PDE4D: variants seen among roughly 807,000 people sequenced by gnomAD.
PDE4D encodes 3',5'-cyclic-AMP phosphodiesterase 4D.
A neutral mutation model predicts 87.4 loss-of-function variants in PDE4D; 24 were observed. The ratio of observed to expected loss-of-function variants is 0.27; its 90% confidence interval spans 0.20 to 0.39. The LOEUF (loss-of-function observed/expected upper bound fraction) is 0.39. PDE4D is among the 10% of genes least tolerant of loss of function. The pLI is 1.00. For synonymous variants in PDE4D, 384 were observed against 383.2 expected (o/e 1.00, Z -0.02); for missense variants, 714 against 1,041.0 (o/e 0.69, Z 4.32).
chr5:59,148,220 C>T (rs1459689505), intron 5 of PDE4D, among the ~76,000 whole-genome samples: 1 of 152,094 alleles, frequency 6.6e-6, no homozygotes, highest in Non-Finnish European at 1.5e-5. Context: ...AGTCCTGGTT[C>T]TATACTGTAT....
At chr5:59,772,025 T>C (rs904472234) in intron 1 of PDE4D, among the ~76,000 whole-genome samples, 1 of 152,250 alleles carries the variant, frequency 6.6e-6, no homozygotes, top group Non-Finnish European at 1.5e-5. Flanking sequence ...ATGATATGCA[T>C]ACTGCTTTTT....
intron 1 of PDE4D, among the ~76,000 whole-genome samples, chr5:59,543,182 C>T (rs1816661548): frequency 6.6e-6 from 1 of 152,140 alleles, no homozygotes; most frequent in Non-Finnish European, 1.5e-5. Context: ...TTATTCTGTA[C>T]TCAGGTGCTG....
intron 1 of PDE4D, among the ~76,000 whole-genome samples, chr5:60,236,650 C>CA (rs1746465468): frequency 6.6e-6 from 1 of 151,846 alleles, no homozygotes; most frequent in Non-Finnish European, 1.5e-5. Flanking sequence ...GCCATTATTT[C>CA]AGATTATTTG....
At chr5:60,251,765 A>T (rs1314673783) in intron 1 of PDE4D, among the ~76,000 whole-genome samples, 1 of 151,820 alleles carries the variant, frequency 6.6e-6, no homozygotes, top group African/African-American at 2.4e-5. Flanking sequence ...ATGGTAAAAA[A>T]GATATTTTTG....
At chr5:60,254,933 A>G (rs113228750) in intron 1 of PDE4D, among the ~76,000 whole-genome samples, 2,067 of 151,980 alleles carry the variant, frequency 0.014, 23 homozygotes, top group Middle Eastern at 0.034. Context: ...TTAATATACA[A>G]TGAGAGTGTT....
At chr5:60,241,764 CT>C (rs1438958134) in intron 1 of PDE4D, among the ~76,000 whole-genome samples, 1 of 151,680 alleles carries the variant, frequency 6.6e-6, no homozygotes, top group Non-Finnish European at 1.5e-5. Context: ...TAACAAAGAA[CT>C]TCCCAAACCT....
At chr5:60,317,381 CT>C (rs1224076122) in intron 1 of PDE4D, among the ~76,000 whole-genome samples, 1 of 151,868 alleles carries the variant, frequency 6.6e-6, no homozygotes, top group African/African-American at 2.4e-5. Flanking sequence ...TCTCTCTTTT[CT>C]TCTTTATTAG....
At chr5:59,367,800 C>T (rs1562043255) in intron 1 of PDE4D, among the ~76,000 whole-genome samples, 1 of 152,058 alleles carries the variant, frequency 6.6e-6, no homozygotes, top group African/African-American at 2.4e-5. Context: ...AAGGAAAAAG[C>T]AAGAGAGAGA....
At chr5:59,279,809 G>A (rs1225515905) in intron 1 of PDE4D, among the ~76,000 whole-genome samples, 1 of 146,024 alleles carries the variant, frequency 6.8e-6, no homozygotes, top group African/African-American at 2.7e-5. Flanking sequence ...GTGTATGTGT[G>A]TGTTTGTGTG....
intron 1 of PDE4D, among the ~76,000 whole-genome samples, chr5:60,365,228 T>A (rs1406192794): frequency 6.6e-6 from 1 of 152,238 alleles, no homozygotes; most frequent in African/African-American, 2.4e-5. Context: ...CATCTTGGCA[T>A]GCAACAACAT....
At chr5:59,563,568 A>G (rs1483107455) in intron 1 of PDE4D, among the ~76,000 whole-genome samples, 1 of 152,246 alleles carries the variant, frequency 6.6e-6, no homozygotes, top group East Asian at 1.9e-4. Flanking sequence ...CTTTATGGCC[A>G]TTAATTCATT....
intron 1 of PDE4D, among the ~76,000 whole-genome samples, chr5:60,319,708 AC>A (rs1216483475): frequency 6.6e-6 from 1 of 151,948 alleles, no homozygotes; most frequent in Non-Finnish European, 1.5e-5. Flanking sequence ...AACAGTTAGG[AC>A]CCTCAGCTTC....
In PDE4D at chr5:59,255,663, T is replaced by C. The variant is rs374235871; in HGVS notation, c.456-39695A>G. 1.1e-3 allele frequency among the ~76,000 whole-genome samples: 160 copies of C among 152,242 alleles called. 1 individual carries two copies. Among genetic ancestry groups the C allele is most frequent in the African/African-American group, 3.6e-3 (151 of 41,560 alleles). ...CTCTATGTATTGACACACTGTCAAG[T>C]GCAAAATACAAACTGCAGAACAATG... is the stretch of plus-strand genomic sequence containing the variant. On this transcript the variant is annotated intron_variant, in intron 1 of 14. Coordinates refer to ENST00000340635, the MANE Select transcript of PDE4D (RefSeq NM_001104631.2).
Position 58,975,899 on chromosome 5 carries a change from A to AC in PDE4D, c.1831-61_1831-60insG. On this transcript the variant is annotated intron_variant, in intron 13 of 14. Coordinates refer to ENST00000340635, the MANE Select transcript of PDE4D (RefSeq NM_001104631.2). The surrounding 1 kb of genome is among the most constrained non-coding windows in gnomAD (Gnocchi z 4.2). The stretch of plus-strand genomic sequence containing the variant: ...GTTCCTTTTTTTTAAAAAAAAAAAC[A>AC]AAAAAAACTAGAAATTCACATTGGA... 2.1e-6 allele frequency: 2 copies of AC among 951,880 alleles called. No homozygotes were observed. Among genetic ancestry groups the AC allele is most frequent in the Non-Finnish European group, 2.9e-6 (2 of 692,254 alleles). 59.0% of individuals were successfully genotyped at this position (951,880 alleles called of 1,614,324 possible).
chr5:59,357,597 A>G (rs190789746), intron 1 of PDE4D, among the ~76,000 whole-genome samples: 4 of 152,372 alleles, frequency 2.6e-5, no homozygotes, highest in African/African-American at 9.6e-5. Context: ...GACTCTGACA[A>G]CAAAGATCAA....
intron 1 of PDE4D, among the ~76,000 whole-genome samples, chr5:59,474,904 G>A (rs910415158): frequency 6.6e-6 from 1 of 152,008 alleles, no homozygotes; most frequent in African/African-American, 2.4e-5. Flanking sequence ...ACAACTGTAG[G>A]AACAGTGTTG....
chr5:59,485,894 G>A (rs924271512), intron 1 of PDE4D, among the ~76,000 whole-genome samples: 2 of 151,900 alleles, frequency 1.3e-5, no homozygotes, highest in Non-Finnish European at 2.9e-5. Flanking sequence ...TGATTTTTCC[G>A]TTTTGTGAAA....
intron 2 of PDE4D, among the ~76,000 whole-genome samples, chr5:60,009,975 T>TG (rs1339834342): frequency 2.6e-5 from 4 of 152,086 alleles, no homozygotes; most frequent in Non-Finnish European, 5.9e-5. Flanking sequence ...GTATGTACAT[T>TG]GTGGCCTCTA....
At chr5:59,192,300 A>G (rs1744510496) in intron 3 of PDE4D, among the ~76,000 whole-genome samples, 1 of 152,218 alleles carries the variant, frequency 6.6e-6, no homozygotes, top group African/African-American at 2.4e-5. Context: ...CAAAGTTTTT[A>G]TAATATTATA....
Sources: gnomAD v4.1 joint callset for allele counts (sites outside exome capture counted in the v4.1 genomes callset) on GRCh38, gnomAD v4.1.1 for gene constraint, Gnocchi (gnomAD v3.1) non-coding constraint, MANE v1.5 for transcripts, NCBI Gene and HGNC (gene_info 2026-07-23, HGNC 2026-07-21) for gene names.